The following NCOR2 variants were observed in gnomAD, a reference collection of about 807,000 sequenced individuals.
NCOR2 encodes nuclear receptor corepressor 2.
In NCOR2, 81 loss-of-function variants were observed where a neutral mutation model predicts 262.9. The ratio of observed to expected loss-of-function variants is 0.31; its 90% CI spans 0.26 to 0.37. The LOEUF is 0.37. Ranked by LOEUF, NCOR2 falls within the 10% of genes least tolerant of loss-of-function variation. The pLI is 1.00. For missense variants in NCOR2, 3,385 were observed against 3,621.4 expected (o/e 0.93, Z 1.68); for synonymous variants, 1,659 against 1,559.3 (o/e 1.06, Z -1.51).
intron 16 of NCOR2, among the ~76,000 whole-genome samples, chr12:124,390,616 G>A (rs546660727): frequency 3.9e-5 from 6 of 152,296 alleles, no homozygotes; most frequent in Non-Finnish European, 7.3e-5. Flanking sequence ...TCTGCCACCC[G>A]TCTGGGTCCC....
At chr12:124,340,163 TGCCCCCACCCCC>T (rs937340308) in exon 37 of NCOR2, 3 of 1,046,524 alleles carry the variant, frequency 2.9e-6, no homozygotes, top group Admixed American at 2.4e-5. Flanking sequence ...CGGCTGCTGC[TGCCCCCACCCCC>T]GCCGCTGCTG....
At chr12:124,510,837 C>G (rs963861070) in intron 1 of NCOR2, among the ~76,000 whole-genome samples, 3 of 152,164 alleles carry the variant, frequency 2.0e-5, no homozygotes, top group Admixed American at 6.5e-5. Flanking sequence ...ACACTGTCCA[C>G]CCCGGGCCCA....
Position 124,495,117 on chromosome 12 carries a change from C to T in NCOR2, c.105+30G>A. On this transcript the variant is annotated intron_variant, in intron 1 of 46. Transcript: ENST00000405201. This position sits in a 1 kb window ranked among gnomAD's most constrained non-coding sequence, Gnocchi z 4.4. ...AATGGAAGAAGGGTCTCAAAGGTAGCCCCAGGCGCACACATGTGCACCCCC... is the reference window on the plus strand; with the variant it reads ...AATGGAAGAAGGGTCTCAAAGGTAGTCCCAGGCGCACACATGTGCACCCCC... 6.2e-7 allele frequency: 1 copy of T among 1,610,142 alleles called. No individual in the cohort carries two copies. Among genetic ancestry groups the T allele is most frequent in the Non-Finnish European group, 8.5e-7 (1 of 1,178,414 alleles).
At chr12:124,534,185 G>A (rs549636318) in intron 1 of NCOR2, among the ~76,000 whole-genome samples, 219 of 152,258 alleles carry the variant, frequency 1.4e-3, no homozygotes, top group Non-Finnish European at 2.6e-3. Flanking sequence ...CTCTGGGCTT[G>A]GTGGCTCACA....
Position 124,502,616 on chromosome 12 carries a change from G to C in NCOR2, c.-117-7248C>G, listed in dbSNP as rs1335406445. ...GACAGCAGGGAGGCCTGGATGGGGA[G>C]AGTGGGGTGAGCGAAGGCATGTGAG... On this transcript the variant is annotated intron_variant, in intron 1 of 46. Transcript: ENST00000404621. 2.6e-5 allele frequency among the ~76,000 whole-genome samples: 4 copies of C among 152,170 alleles called. No homozygotes were observed. In the East Asian group the frequency reaches 7.7e-4, roughly 29 times the overall value.
intron 17 of NCOR2, among the ~76,000 whole-genome samples, chr12:124,385,042 G>A (rs79432878): frequency 0.013 from 2,030 of 152,142 alleles, 50 homozygotes; most frequent in African/African-American, 0.044. Context: ...AAAGGAGGGA[G>A]GAAGGGAAGG....
chr12:124,333,607 GC>G (rs370832435), intron 41 of NCOR2, among the ~76,000 whole-genome samples: 2 of 151,494 alleles, frequency 1.3e-5, no homozygotes, highest in South Asian at 2.1e-4. Flanking sequence ...CTACACCACT[GC>G]CCCCCAAAGA....
At chr12:124,558,356 G>A (rs898941106) in intron 1 of NCOR2, among the ~76,000 whole-genome samples, 1 of 151,946 alleles carries the variant, frequency 6.6e-6, no homozygotes, top group African/African-American at 2.4e-5. Flanking sequence ...TGGGCAGATG[G>A]GGGGCGTGCA....
rs1040247875 is a variant in NCOR2, at chr12:124,356,628, G to A, written c.3241+14C>T. On this transcript the variant is annotated intron_variant, in intron 23 of 46. Coordinates refer to ENST00000405201, the Ensembl canonical transcript of NCOR2. ...ACTGGCTGAAGAAGCCCAAGCTCGG[G>A]CGGAGCTACTTACCAGGTGGAGCGT... 7.0e-7 allele frequency: 1 copy of A among 1,426,790 alleles called. No homozygotes were observed. The allele number at this position is 1,426,790 out of a possible 1,614,324, so 88.4% of individuals were successfully genotyped here.
intron 6 of NCOR2, 94 bp from the exon 9 acceptor site, chr12:124,449,961 G>T: frequency 7.5e-7 from 1 of 1,328,532 alleles, no homozygotes; most frequent in Non-Finnish European, 1.1e-6. Context: ...GCACGGAGGA[G>T]CTGTCCTCTG....
intron 16 of NCOR2, among the ~76,000 whole-genome samples, chr12:124,387,374 A>C (rs1036810346): frequency 1.3e-5 from 2 of 152,192 alleles, no homozygotes; most frequent in Non-Finnish European, 2.9e-5. Context: ...AAAGCCCTTC[A>C]AAGACTTGGT....
intron 44 of NCOR2, 115 bp from the exon 47 acceptor site, chr12:124,327,748 G>A (rs959439720): frequency 8.2e-5 from 58 of 710,996 alleles, no homozygotes; most frequent in Non-Finnish European, 1.3e-4. Context: ...AGGAGGAGGA[G>A]GAGAGAGAAA....
At chr12:124,347,213 C>T (rs961563241) in intron 30 of NCOR2, among the ~76,000 whole-genome samples, 1 of 152,030 alleles carries the variant, frequency 6.6e-6, no homozygotes, top group African/African-American at 2.4e-5. Context: ...TACAAAAATA[C>T]AAAAATTAGC....
chr12:124,482,492 G>A lies in NCOR2; in HGVS notation c.411+1104C>T, dbSNP rs910523368. On this transcript the variant is annotated intron_variant, in intron 3 of 46. Transcript: ENST00000405201. The surrounding 1 kb of genome is among the most constrained non-coding windows in gnomAD (Gnocchi z 6.3). ...CCGCAGCCAGACCACCACCCATGCCGGCTCACGGGTGCCAAATAGTTCCCA... is the reference window on the plus strand; with the variant it reads ...CCGCAGCCAGACCACCACCCATGCCAGCTCACGGGTGCCAAATAGTTCCCA... Among the ~76,000 whole-genome samples, 11 of 152,136 alleles carry A rather than the reference G, an allele frequency of 7.2e-5. No individual in the cohort carries two copies. The highest frequency in any genetic ancestry group is 2.4e-4 in the African/African-American group (10 of 41,410).
intron 13 of NCOR2, among the ~76,000 whole-genome samples, chr12:124,415,868 TC>T (rs1223687703): frequency 6.6e-6 from 1 of 151,972 alleles, no homozygotes; most frequent in East Asian, 1.9e-4. Flanking sequence ...TCTAATGCCC[TC>T]CTCCCCTGGT....
At chr12:124,437,245 C>T (rs993670313) in intron 8 of NCOR2, among the ~76,000 whole-genome samples, 20 of 152,186 alleles carry the variant, frequency 1.3e-4, no homozygotes, top group Non-Finnish European at 1.3e-4. Context: ...TCTGAGTCCG[C>T]GCTTCTTCCC....
exon 32 of NCOR2, chr12:124,344,619 C>T: frequency 1.4e-6 from 2 of 1,460,514 alleles, no homozygotes; most frequent in Non-Finnish European, 1.8e-6. Context: ...GCGGCGTGGG[C>T]TCCCGCGTGG....
chr12:124,443,010 A>C lies in NCOR2; in HGVS notation c.816-5014T>G, dbSNP rs1188043079. ...GCAGCCGCCAGGAGCTGGAACCGGC[A>C]AGGAAGCAGCCTCCCCCAGAGCCTT... On this transcript the variant is annotated intron_variant, in intron 7 of 46. Coordinates refer to ENST00000405201, the Ensembl canonical transcript of NCOR2. This position sits in a 1 kb window ranked among gnomAD's most constrained non-coding sequence, Gnocchi z 4.4. Among the ~76,000 whole-genome samples, 2 of 152,232 alleles carry C rather than the reference A, an allele frequency of 1.3e-5. No homozygotes were observed. The highest frequency in any genetic ancestry group is 6.5e-5 in the Admixed American group (1 of 15,286).
intron 4 of NCOR2, among the ~76,000 whole-genome samples, chr12:124,466,609 C>T (rs934722387): frequency 1.7e-4 from 26 of 152,104 alleles, no homozygotes; most frequent in African/African-American, 5.6e-4. Context: ...ATTGCCGTGC[C>T]GCCATTCTGA....
Sources: gnomAD v4.1 joint callset for allele counts (sites outside exome capture counted in the v4.1 genomes callset) on GRCh38, gnomAD v4.1.1 for gene constraint, Gnocchi (gnomAD v3.1) non-coding constraint, MANE v1.5 for transcripts, NCBI Gene and HGNC (gene_info 2026-07-23, HGNC 2026-07-21) for gene names.